CEP112: variants seen among roughly 807,000 people sequenced by gnomAD.
The protein encoded by CEP112 is centrosomal protein of 112 kDa.
CEP112 carries 127 observed loss-of-function variants against 153.0 expected under a neutral mutation model. That is an observed-to-expected ratio of 0.83 (90% confidence interval 0.72 to 0.96). The LOEUF (loss-of-function observed/expected upper bound fraction) is 0.96. Among genes scored for constraint, CEP112 ranks in the 40% least tolerant of loss-of-function variants. The pLI, the probability that CEP112 is intolerant of heterozygous loss-of-function variation, is 0.00. For missense variants in CEP112, 1,089 were observed against 1,101.2 expected, an observed-to-expected ratio of 0.99 and a Z score of 0.16; for synonymous variants, 358 against 374.4, an observed-to-expected ratio of 0.96 and a Z score of 0.51.
chr17:65,968,668 C>A (rs1022292808), intron 17 of CEP112, among the ~76,000 whole-genome samples: 2 of 152,070 alleles, frequency 1.3e-5, no homozygotes, highest in Admixed American at 1.3e-4. Context: ...TATTATTTGA[C>A]GTTATTTCTA....
At chr17:66,041,098 T>TTA (rs1555779747) in intron 12 of CEP112, among the ~76,000 whole-genome samples, 6 of 146,408 alleles carry the variant, frequency 4.1e-5, no homozygotes, top group Non-Finnish European at 7.5e-5. Context: ...AATGGCTTGG[T>TTA]AAAAAAAAAA....
chr17:65,696,426 T>C (rs1326223587), intron 23 of CEP112, among the ~76,000 whole-genome samples: 1 of 152,146 alleles, frequency 6.6e-6, no homozygotes, highest in Non-Finnish European at 1.5e-5. Context: ...TTCTGTTATT[T>C]AAAATAAACT....
chr17:65,980,040 GA>G (rs1259091329), intron 17 of CEP112, among the ~76,000 whole-genome samples: 3 of 151,930 alleles, frequency 2.0e-5, no homozygotes, highest in African/African-American at 7.3e-5. Context: ...CATTAAAAAA[GA>G]AAAAGCCAAA....
intron 21 of CEP112, among the ~76,000 whole-genome samples, chr17:65,760,425 G>A (rs2052543187): frequency 6.6e-6 from 1 of 152,014 alleles, no homozygotes; most frequent in African/African-American, 2.4e-5. Flanking sequence ...TCAAGTTGAG[G>A]AAGTTCACCT....
chr17:65,867,904 T>A (rs1179256471), intron 20 of CEP112, among the ~76,000 whole-genome samples: 1 of 147,180 alleles, frequency 6.8e-6, no homozygotes, highest in African/African-American at 2.5e-5. Flanking sequence ...GGGAATGAAG[T>A]CACCCATGGC....
At chr17:65,702,526 A>G (rs1201869975) in intron 23 of CEP112, among the ~76,000 whole-genome samples, 1 of 152,238 alleles carries the variant, frequency 6.6e-6, no homozygotes, top group Non-Finnish European at 1.5e-5. Context: ...TGAGAGAGGA[A>G]AGAAAGAGAG....
At chr17:66,040,494 C>CTTTTTTTTTTTTTTTTTTTTTTTTTTTTT in intron 12 of CEP112, among the ~76,000 whole-genome samples, 1 of 133,486 alleles carries the variant, frequency 7.5e-6, no homozygotes, top group Non-Finnish European at 1.5e-5. Flanking sequence ...CCCTTTTTTT[C>CTTTTTTTTTTTTTTTTTTTTTTTTTTTTT]TTTTTTTTTT....
intron 21 of CEP112, among the ~76,000 whole-genome samples, chr17:65,809,558 G>A (rs771523257): frequency 6.6e-6 from 1 of 152,128 alleles, no homozygotes; most frequent in Non-Finnish European, 1.5e-5. Context: ...TGAAGCAGCA[G>A]GAATTTTTGG....
At chr17:66,168,467 GTGTATATA>G (rs1470849215) in intron 4 of CEP112, among the ~76,000 whole-genome samples, 1 of 150,856 alleles carries the variant, frequency 6.6e-6, no homozygotes, top group Non-Finnish European at 1.5e-5. Flanking sequence ...GTATATGTGT[GTGTATATA>G]TGTATATATG....
At chr17:65,911,651 A>G (rs1283134157) in intron 19 of CEP112, among the ~76,000 whole-genome samples, 1 of 152,186 alleles carries the variant, frequency 6.6e-6, no homozygotes, top group African/African-American at 2.4e-5. Flanking sequence ...CAATGTATCA[A>G]GACCCTATCT....
intron 24 of CEP112, among the ~76,000 whole-genome samples, chr17:65,658,050 T>C (rs2046146821): frequency 6.6e-6 from 1 of 152,246 alleles, no homozygotes; most frequent in Non-Finnish European, 1.5e-5. Flanking sequence ...CCAGATACTG[T>C]ATTAAGCAAT....
chr17:66,054,620 C>T (rs10853076), intron 11 of CEP112, among the ~76,000 whole-genome samples: 62,549 of 152,130 alleles, frequency 0.41, 14,334 homozygotes, highest in East Asian at 0.87. Flanking sequence ...GCTCCCAGCC[C>T]TGTGGGCATT....
chr17:65,877,599 C>T (rs535944411), intron 20 of CEP112, among the ~76,000 whole-genome samples: 1 of 152,258 alleles, frequency 6.6e-6, no homozygotes, highest in South Asian at 2.1e-4. Context: ...TAACCCAAAA[C>T]TAAGACAATA....
At chr17:65,884,519 C>T (rs2059199011) in intron 20 of CEP112, among the ~76,000 whole-genome samples, 1 of 152,112 alleles carries the variant, frequency 6.6e-6, no homozygotes, top group South Asian at 2.1e-4. Context: ...ACATCCTATA[C>T]AAAAGTGTCT....
chr17:66,174,361 G>A (rs542151425), intron 4 of CEP112, among the ~76,000 whole-genome samples: 29 of 152,174 alleles, frequency 1.9e-4, no homozygotes, highest in African/African-American at 6.5e-4. Context: ...AATTATAGTG[G>A]ACAAGAAAGA....
intron 18 of CEP112, among the ~76,000 whole-genome samples, chr17:65,929,767 T>C (rs1447589939): frequency 2.0e-5 from 3 of 152,210 alleles, no homozygotes; most frequent in Non-Finnish European, 4.4e-5. Flanking sequence ...AAAACAAAGA[T>C]TGCACAGTGT....
intron 21 of CEP112, among the ~76,000 whole-genome samples, chr17:65,776,132 A>G (rs1227258975): frequency 6.6e-6 from 1 of 152,198 alleles, no homozygotes; most frequent in Non-Finnish European, 1.5e-5. Flanking sequence ...CGTGGCTTCG[A>G]AAGGACCTCC....
rs566775949 is a variant in CEP112 at position 65,917,181 on chromosome 17, G to T, written c.1980+10401C>A. 3.9e-5 allele frequency among the ~76,000 whole-genome samples: 6 copies of T among 152,302 alleles called. No individual in the cohort carries two copies. In the East Asian group the frequency reaches 1.2e-3, roughly 29 times the overall value. Reference sequence around the variant, plus strand: ...GCTTATTCAAAGAAGTAAGTTGAAAGGAAGCATCATTAGATCAAGGATTGC... The same window carrying T: ...GCTTATTCAAAGAAGTAAGTTGAAATGAAGCATCATTAGATCAAGGATTGC... On this transcript the variant is annotated intron_variant, in intron 19 of 26. Coordinates refer to ENST00000535342, the MANE Select transcript of CEP112 (RefSeq NM_001199165.4).
intron 11 of CEP112, among the ~76,000 whole-genome samples, chr17:66,062,377 T>A (rs1164460018): frequency 6.6e-6 from 1 of 151,632 alleles, no homozygotes; most frequent in East Asian, 1.9e-4. Flanking sequence ...ATTATATATT[T>A]CAAAAAGTTA....
Sources: allele counts gnomAD v4.1 joint callset (sites outside exome capture counted in the v4.1 genomes callset), GRCh38; gene constraint gnomAD v4.1.1; transcripts MANE v1.5; gene names NCBI Gene and HGNC (gene_info 2026-07-23, HGNC 2026-07-21).